Variants in CCNY observed in about 807,000 individuals in gnomAD.
CCNY encodes the protein cyclin Y, also known as cyclin-Y.
A neutral mutation model predicts 42.8 loss-of-function variants in CCNY; 19 were observed. The ratio of observed to expected loss-of-function variants is 0.44; its 90% CI spans 0.31 to 0.65. The LOEUF (loss-of-function observed/expected upper bound fraction) is 0.65, where lower values mean the gene tolerates loss of function less well. CCNY is among the 30% of genes least tolerant of loss of function. CCNY has a pLI of 0.07. For synonymous variants in CCNY, 165 were observed against 162.7 expected, an observed-to-expected ratio of 1.01 and a Z score of -0.11; for missense variants, 370 against 437.3, an observed-to-expected ratio of 0.85 and a Z score of 1.37.
At chr10:35,329,705 C>T (rs555358942) in intron 3 of CCNY, among the ~76,000 whole-genome samples, 3 of 152,172 alleles carry the variant, frequency 2.0e-5, no homozygotes, top group South Asian at 2.1e-4. Flanking sequence ...CTCAGAGGGA[C>T]GAGGTCACAG....
At chr10:35,270,728 CTT>C (rs11411285) in intron 3 of CCNY, among the ~76,000 whole-genome samples, 13 of 124,714 alleles carry the variant, frequency 1.0e-4, no homozygotes, top group Admixed American at 2.6e-4. Flanking sequence ...TTTTTTTTTT[CTT>C]TTTTTTTTTT....
chr10:35,350,146 G>T (rs1403506412), intron 1 of CCNY, among the ~76,000 whole-genome samples: 1 of 152,188 alleles, frequency 6.6e-6, no homozygotes, highest in Non-Finnish European at 1.5e-5. Flanking sequence ...TGACAGGAAA[G>T]ACATTGGCCA....
intron 1 of CCNY, among the ~76,000 whole-genome samples, chr10:35,339,707 C>A (rs1836132052): frequency 6.6e-6 from 1 of 152,102 alleles, no homozygotes; most frequent in Non-Finnish European, 1.5e-5. Flanking sequence ...CATATGTATC[C>A]ATGCTTTCTT....
intron 1 of CCNY, among the ~76,000 whole-genome samples, chr10:35,461,343 G>A (rs1373960940): frequency 2.6e-5 from 4 of 152,162 alleles, no homozygotes; most frequent in African/African-American, 9.7e-5. Flanking sequence ...TGGCCAAGGA[G>A]CAAGGGATGT....
At chr10:35,279,659 CA>C (rs1358380572) in intron 3 of CCNY, among the ~76,000 whole-genome samples, 2 of 152,208 alleles carry the variant, frequency 1.3e-5, no homozygotes, top group African/African-American at 4.8e-5. Flanking sequence ...CAAATGGAGG[CA>C]CCTGGACTAG....
intron 1 of CCNY, among the ~76,000 whole-genome samples, chr10:35,457,657 T>C (rs1201965717): frequency 6.6e-6 from 1 of 151,978 alleles, no homozygotes; most frequent in Non-Finnish European, 1.5e-5. Flanking sequence ...CTCGGCTCAA[T>C]GCAAGCTTCA....
At chr10:35,346,246 G>A (rs936806549) in intron 1 of CCNY, among the ~76,000 whole-genome samples, 1 of 152,174 alleles carries the variant, frequency 6.6e-6, no homozygotes, top group Non-Finnish European at 1.5e-5. Context: ...ACCCACAATT[G>A]CAGGGAGCTC....
intron 1 of CCNY, among the ~76,000 whole-genome samples, chr10:35,378,309 G>A (rs1322974301): frequency 6.6e-6 from 1 of 152,164 alleles, no homozygotes; most frequent in Non-Finnish European, 1.5e-5. Context: ...AAGCTTTCAA[G>A]CTCATGGTGG....
chr10:35,492,729 C>T (rs1839925369), intron 2 of CCNY, among the ~76,000 whole-genome samples: 1 of 152,248 alleles, frequency 6.6e-6, no homozygotes, highest in African/African-American at 2.4e-5. Flanking sequence ...CATCATGACC[C>T]ACCCTGGGCA....
chr10:35,316,308 C>G (rs1241249778), intron 3 of CCNY: 5 of 152,202 alleles, frequency 3.3e-5, no homozygotes, highest in Non-Finnish European at 7.3e-5. Context: ...AAATCTTCCC[C>G]CATGTTCTCA....
chr10:35,353,440 A>G (rs905369333), intron 1 of CCNY, among the ~76,000 whole-genome samples: 3 of 152,222 alleles, frequency 2.0e-5, no homozygotes, highest in Non-Finnish European at 2.9e-5. Flanking sequence ...CAGAATAGAC[A>G]TCTTTAGAAC....
intron 8 of CCNY, among the ~76,000 whole-genome samples, chr10:35,553,899 C>T (rs990608763): frequency 6.6e-6 from 1 of 152,134 alleles, no homozygotes. Flanking sequence ...ACTGGGAATC[C>T]AGGAACTGAG....
chr10:35,259,289 C>T (rs1277249058), intron 3 of CCNY, among the ~76,000 whole-genome samples: 2 of 152,016 alleles, frequency 1.3e-5, no homozygotes, highest in East Asian at 3.9e-4. Context: ...TATTTATTCA[C>T]TGTGGCCTTG....
In CCNY at chr10:35,312,747, C is replaced by CTTTT. The variant is rs10688043; in HGVS notation, c.-9+62139_-9+62142dup. ...TATCCCAATAGAGTATTCCTTTTTACTTTTTTTTTTTTTTTTTTTTTAGAG... is the reference window on the plus strand; with the variant it reads ...TATCCCAATAGAGTATTCCTTTTTACTTTTTTTTTTTTTTTTTTTTTTTTTAGAG... On this transcript the variant is annotated intron_variant, in intron 3 of 11. Transcript: ENST00000374706. Among the ~76,000 whole-genome samples the CTTTT allele has an allele frequency of 3.5e-4, 39 of 112,132 alleles. No homozygotes were observed. In the East Asian group the frequency reaches 4.2e-3, roughly 12 times the overall value. The allele number at this position is 112,132 out of a possible 152,430, so 73.6% of individuals were successfully genotyped here. A position where few individuals can be genotyped will look rare whatever the true frequency, so the allele number is the denominator to read the frequency against.
rs948235325 is a variant in CCNY at position 35,254,067 on chromosome 10, T to C, written c.-9+3441T>C. Reference sequence around the variant, plus strand: ...ATTTTTTTGTATTTTTTAGTAGAGATGGGGTTTCACCGTATTAACCAGGAT... The same window carrying C: ...ATTTTTTTGTATTTTTTAGTAGAGACGGGGTTTCACCGTATTAACCAGGAT... On this transcript the variant is annotated intron_variant, in intron 3 of 11. Transcript: ENST00000374706. 7.9e-5 allele frequency among the ~76,000 whole-genome samples: 12 copies of C among 152,022 alleles called. No homozygotes were observed. In the East Asian group the frequency reaches 9.7e-4, roughly 12 times the overall value.
intron 3 of CCNY, among the ~76,000 whole-genome samples, chr10:35,305,596 G>T (rs576528604): frequency 6.6e-6 from 1 of 152,214 alleles, no homozygotes; most frequent in South Asian, 2.1e-4. Context: ...GGTAAGGTTT[G>T]TGCTACTTAT....
chr10:35,308,762 T>A (rs1835646093), intron 3 of CCNY, among the ~76,000 whole-genome samples: 1 of 152,018 alleles, frequency 6.6e-6, no homozygotes, highest in African/African-American at 2.4e-5. Flanking sequence ...CAAAAGGAAG[T>A]AGCAGCCATG....
intron 3 of CCNY, among the ~76,000 whole-genome samples, chr10:35,503,653 C>T (rs1183785206): frequency 6.6e-6 from 1 of 152,182 alleles, no homozygotes; most frequent in Non-Finnish European, 1.5e-5. Flanking sequence ...AGTGTGTGTG[C>T]CAGGCTCTGC....
chr10:35,367,025 A>T (rs1472527449), intron 1 of CCNY, among the ~76,000 whole-genome samples: 1 of 152,234 alleles, frequency 6.6e-6, no homozygotes, highest in Non-Finnish European at 1.5e-5. Flanking sequence ...TGTTGTTCTC[A>T]TATAAAATTC....
Sources: allele counts gnomAD v4.1 joint callset (sites outside exome capture counted in the v4.1 genomes callset), GRCh38; gene constraint gnomAD v4.1.1; transcripts MANE v1.5; gene names NCBI Gene and HGNC (gene_info 2026-07-23, HGNC 2026-07-21).